The following PAK5 variants were observed in gnomAD, a reference collection of about 807,000 sequenced individuals.
The protein encoded by PAK5 is p21 (RAC1) activated kinase 5.
A neutral mutation model predicts 65.9 loss-of-function variants in PAK5; 16 were observed. The ratio of observed to expected loss-of-function variants is 0.24; its 90% confidence interval spans 0.16 to 0.37. The LOEUF is 0.37. PAK5 is among the 10% of genes least tolerant of loss of function. PAK5 has a pLI of 1.00. For missense variants in PAK5, 785 were observed against 903.9 expected (o/e 0.87, Z 1.69); for synonymous variants, 371 against 354.9 (o/e 1.05, Z -0.51).
At chr20:9,759,088 C>T (rs1281294093) in intron 1 of PAK5, among the ~76,000 whole-genome samples, 1 of 152,094 alleles carries the variant, frequency 6.6e-6, no homozygotes, top group Non-Finnish European at 1.5e-5. Flanking sequence ...AGCAAGCAAG[C>T]ATTCAATATG....
intron 1 of PAK5, among the ~76,000 whole-genome samples, chr20:9,814,263 T>C (rs902118780): frequency 6.6e-6 from 1 of 152,164 alleles, no homozygotes; most frequent in Non-Finnish European, 1.5e-5. Flanking sequence ...AGATTCTACA[T>C]AGGAATTGTT....
intron 2 of PAK5, among the ~76,000 whole-genome samples, chr20:9,694,647 G>T (rs529118241): frequency 7.2e-5 from 11 of 152,022 alleles, no homozygotes; most frequent in African/African-American, 2.7e-4. Context: ...AATATGAATA[G>T]AATCATTACA....
intron 4 of PAK5, among the ~76,000 whole-genome samples, chr20:9,569,921 T>A (rs1178885217): frequency 6.7e-6 from 1 of 149,246 alleles, no homozygotes; most frequent in African/African-American, 2.6e-5. Flanking sequence ...GGAACCAGGG[T>A]AGCTGCTAAG....
chr20:9,743,968 CAG>C (rs1265961160), intron 1 of PAK5, among the ~76,000 whole-genome samples: 1 of 152,086 alleles, frequency 6.6e-6, no homozygotes, highest in Non-Finnish European at 1.5e-5. Flanking sequence ...AACAGAGAGA[CAG>C]GGTGAAATGA....
At chr20:9,741,857 A>G (rs2048454184) in intron 1 of PAK5, among the ~76,000 whole-genome samples, 1 of 151,758 alleles carries the variant, frequency 6.6e-6, no homozygotes, top group Non-Finnish European at 1.5e-5. Flanking sequence ...AAGGATCCCA[A>G]TGATCTAGCA....
At chr20:9,682,045 T>C (rs1299015096) in intron 2 of PAK5, among the ~76,000 whole-genome samples, 1 of 152,190 alleles carries the variant, frequency 6.6e-6, no homozygotes, top group Non-Finnish European at 1.5e-5. Flanking sequence ...TTTGAAGCTA[T>C]GTTGACAGGT....
intron 1 of PAK5, among the ~76,000 whole-genome samples, chr20:9,815,339 C>T (rs904268465): frequency 2.0e-5 from 3 of 152,118 alleles, no homozygotes; most frequent in Non-Finnish European, 4.4e-5. Flanking sequence ...GCCATCATTC[C>T]TCAGGAACAC....
chr20:9,754,616 A>C (rs2123627478), intron 1 of PAK5, among the ~76,000 whole-genome samples: 1 of 152,240 alleles, frequency 6.6e-6, no homozygotes, highest in South Asian at 2.1e-4. Flanking sequence ...TGACTCCTAA[A>C]CCATAATTTC....
chr20:9,644,263 A>G lies in PAK5; in HGVS notation c.66T>C (p.His22=), dbSNP rs376660779. Residue 22 remains histidine, a synonymous_variant, in exon 3 of 10, where the codon CAT becomes CAC. Coordinates refer to ENST00000353224, the MANE Select transcript of PAK5 (RefSeq NM_177990.4). ...SGPSNFEHRV[H]TGFDPQEQKF... ...TCTGCTCTTGTGGATCAAACCCAGT[A>G]TGAACCCTGTGTTCAAAGTTGGACG... 15 of 1,607,500 alleles carry G rather than the reference A, an allele frequency of 9.3e-6. No homozygotes were observed. The highest frequency in any genetic ancestry group is 1.2e-5 in the Non-Finnish European group (14 of 1,177,866).
In PAK5 at chr20:9,734,842, T is replaced by A. The variant is rs552852964; in HGVS notation, c.-161-23407A>T. ...ACAGGTAACCAGTCTAGGACAACCA[T>A]ACTGGTGAGAGAAGATGCTATGGGA... On this transcript the variant is annotated intron_variant, in intron 1 of 9. Coordinates refer to ENST00000353224, the MANE Select transcript of PAK5 (RefSeq NM_177990.4). Among the ~76,000 whole-genome samples the A allele has an allele frequency of 5.3e-5, 8 of 152,218 alleles. No individual in the cohort carries two copies. The South Asian group carries it at 1.7e-3, about 32-fold the overall frequency.
chr20:9,627,040 C>T (rs1260574920), intron 3 of PAK5, among the ~76,000 whole-genome samples: 1 of 152,162 alleles, frequency 6.6e-6, no homozygotes, highest in Non-Finnish European at 1.5e-5. Flanking sequence ...GATGAATACT[C>T]AGTGCTCTCA....
chr20:9,836,774 T>C (rs1979181850), intron 1 of PAK5, among the ~76,000 whole-genome samples: 1 of 152,188 alleles, frequency 6.6e-6, no homozygotes, highest in Non-Finnish European at 1.5e-5. Flanking sequence ...TCCCTCTTAC[T>C]CATAACAGTC....
In PAK5 at chr20:9,603,443, A is replaced by G. The variant is rs1036211445; in HGVS notation, c.205-22513T>C. The stretch of plus-strand genomic sequence containing the variant: ...GAAGACTCCAAGTTCTGCCCTATTT[A>G]TATCAGAGAATCAGCTCCTCCTGGC... On this transcript the variant is annotated intron_variant, in intron 3 of 9. Transcript: ENST00000353224. Among the ~76,000 whole-genome samples the G allele has an allele frequency of 2.0e-5, 3 of 152,036 alleles. No individual in the cohort carries two copies. In the South Asian group the frequency reaches 6.2e-4, roughly 32 times the overall value.
At chr20:9,696,098 C>T (rs567363103) in intron 2 of PAK5, among the ~76,000 whole-genome samples, 176 of 152,218 alleles carry the variant, frequency 1.2e-3, no homozygotes, top group Non-Finnish European at 1.9e-3. Flanking sequence ...CCAGTGGCTA[C>T]CATACTGGGT....
chr20:9,657,186 G>T (rs2047279939), intron 2 of PAK5, among the ~76,000 whole-genome samples: 1 of 152,038 alleles, frequency 6.6e-6, no homozygotes, highest in African/African-American at 2.4e-5. Context: ...CCTGTAATCT[G>T]TTTTCTATCT....
At chr20:9,764,954 G>A (rs1342486301) in intron 1 of PAK5, among the ~76,000 whole-genome samples, 2 of 152,138 alleles carry the variant, frequency 1.3e-5, no homozygotes, top group African/African-American at 2.4e-5. Flanking sequence ...CCTTGCAGTT[G>A]GGAGGGACCC....
chr20:9,591,039 C>T (rs546073719), intron 3 of PAK5, among the ~76,000 whole-genome samples: 2 of 152,184 alleles, frequency 1.3e-5, no homozygotes, highest in Non-Finnish European at 2.9e-5. Context: ...GCCATCAGTC[C>T]GTAAATTGGT....
At chr20:9,793,142 G>A (rs962730697) in intron 1 of PAK5, among the ~76,000 whole-genome samples, 1 of 152,042 alleles carries the variant, frequency 6.6e-6, no homozygotes, top group Non-Finnish European at 1.5e-5. Context: ...CTACCTCTCA[G>A]TTCTTTCTTT....
chr20:9,697,822 G>A (rs2047889031), intron 2 of PAK5, among the ~76,000 whole-genome samples: 2 of 152,050 alleles, frequency 1.3e-5, no homozygotes, highest in South Asian at 4.2e-4. Flanking sequence ...ACTATTGTTA[G>A]GCTGACATAA....
Sources: gnomAD v4.1 joint callset for allele counts (sites outside exome capture counted in the v4.1 genomes callset) on GRCh38, gnomAD v4.1.1 for gene constraint, MANE v1.5 for transcripts, NCBI Gene and HGNC (gene_info 2026-07-23, HGNC 2026-07-21) for gene names.